RABEP2: variants seen among roughly 807,000 people sequenced by gnomAD.
RABEP2 encodes rabaptin, RAB GTPase binding effector protein 2.
In RABEP2, 57 loss-of-function variants were observed where a neutral mutation model predicts 74.1. That is an observed-to-expected ratio of 0.77 (90% CI 0.62 to 0.96). The LOEUF is 0.96. Ranked by LOEUF, RABEP2 falls within the 40% of genes least tolerant of loss-of-function variation. The probability of loss-of-function intolerance (pLI) is 0.00; values close to 1 mark genes in which losing one functional copy is unlikely to be tolerated. For synonymous variants in RABEP2, 351 were observed against 344.0 expected, an observed-to-expected ratio of 1.02 and a Z score of -0.23; for missense variants, 692 against 756.3, an observed-to-expected ratio of 0.91 and a Z score of 1.00.
chr16:28,909,320 A>G (rs1297477092), intron 7 of RABEP2, among the ~76,000 whole-genome samples: 1 of 152,032 alleles, frequency 6.6e-6, no homozygotes, highest in Non-Finnish European at 1.5e-5. Flanking sequence ...CAGATGATCC[A>G]CCTGTCTTGG....
Position 28,925,201 on chromosome 16 carries a change from T to C in RABEP2, c.-38A>G. 4 of 1,515,876 alleles carry C rather than the reference T, an allele frequency of 2.6e-6. No homozygotes were observed. Among genetic ancestry groups the C allele is most frequent in the South Asian group, 1.2e-5 (1 of 82,068 alleles). The allele number at this position is 1,515,876 out of a possible 1,614,324, so 93.9% of individuals were successfully genotyped here. Reference sequence around the variant, plus strand: ...AACGGCGGATTCCCGCACTCCCTGGTGACGGAGCGCACCGCTTCCGGGTCC... The same window carrying C: ...AACGGCGGATTCCCGCACTCCCTGGCGACGGAGCGCACCGCTTCCGGGTCC... On this transcript the variant is annotated 5_prime_UTR_variant, in exon 1 of 13. Transcript: ENST00000358201.
Position 28,905,382 on chromosome 16 carries a change from T to A in RABEP2, c.1608+15A>T. The A allele has an allele frequency of 1.3e-6, 2 of 1,590,906 alleles. No homozygotes were observed. The highest frequency in any genetic ancestry group is 1.7e-6 in the Non-Finnish European group (2 of 1,164,746). ...GTGGAGCCAGCCAGCCTGGCGGGGC[T>A]GGGACAGGCCATACCTGCAGGGCCT... On this transcript the variant is annotated intron_variant, in intron 12 of 12. Coordinates refer to ENST00000358201, the MANE Select transcript of RABEP2 (RefSeq NM_024816.3).
At chr16:28,906,251 G>T in intron 8 of RABEP2, 55 bp from the exon 9 acceptor site, 1 of 1,490,340 alleles carries the variant, frequency 6.7e-7, no homozygotes, top group South Asian at 1.3e-5. Flanking sequence ...CAGGAGGGCA[G>T]GGGCCACCAG....
chr16:28,908,912 G>T, intron 7 of RABEP2, 148 bp from the exon 8 acceptor site: 1 of 792,628 alleles, frequency 1.3e-6, no homozygotes, highest in Non-Finnish European at 1.9e-6. Context: ...AGCACTTTTT[G>T]CTACCAAGCT....
intron 2 of RABEP2, chr16:28,921,123 C>G: frequency 2.2e-6 from 1 of 453,780 alleles, no homozygotes; most frequent in Non-Finnish European, 4.4e-6. Context: ...CTCAGCCTCC[C>G]AAAGTGCTGG....
At chr16:28,913,532 A>G (rs2152220688) in intron 5 of RABEP2, among the ~76,000 whole-genome samples, 1 of 152,052 alleles carries the variant, frequency 6.6e-6, no homozygotes, top group East Asian at 1.9e-4. Context: ...CCCAGGATGG[A>G]GTGCAGTGGT....
chr16:28,914,966 T>C (rs1964369359), intron 3 of RABEP2, among the ~76,000 whole-genome samples, 184 bp from the exon 4 acceptor site: 1 of 151,292 alleles, frequency 6.6e-6, no homozygotes, highest in Non-Finnish European at 1.5e-5. Context: ...CCCCAGGACA[T>C]AAGGGCAAGG....
intron 5 of RABEP2, among the ~76,000 whole-genome samples, chr16:28,913,234 C>T (rs1964338442): frequency 6.7e-6 from 1 of 149,978 alleles, no homozygotes; most frequent in Admixed American, 6.6e-5. Flanking sequence ...CCGGCCTGCC[C>T]CGGTCTTTAA....
In RABEP2 at chr16:28,905,443, C is replaced by G; in HGVS notation, c.1562G>C (p.Ser521Thr). Residue 521 changes from serine to threonine, a missense_variant, in exon 12 of 13, where the codon AGT (serine) becomes ACT (threonine). By Grantham distance (58) the Ser-to-Thr change is moderately conservative. Coordinates refer to ENST00000358201, the MANE Select transcript of RABEP2 (RefSeq NM_024816.3). ...VLRLQAELET[S>T]EQVQRDFVRL... ...CACGAAATCCCTCTGCACCTGCTCA[C>G]TGGTCTCCAGCTCTGCCTGCAGCCG... 2 of 1,608,070 alleles carry G rather than the reference C, an allele frequency of 1.2e-6. No individual in the cohort carries two copies. The highest frequency in any genetic ancestry group is 1.7e-6 in the Non-Finnish European group (2 of 1,178,148).
chr16:28,924,712 G>C (rs1964510870), intron 1 of RABEP2, 97 bp from the exon 2 acceptor site: 1 of 1,158,824 alleles, frequency 8.6e-7, no homozygotes, highest in Non-Finnish European at 1.3e-6. Flanking sequence ...GCCTTCATCT[G>C]GGGCCTCCTT....
chr16:28,905,923 C>T, intron 9 of RABEP2, 45 bp from the exon 10 acceptor site: 3 of 1,613,212 alleles, frequency 1.9e-6, no homozygotes, highest in Non-Finnish European at 2.5e-6. Context: ...CCTCTCTCCC[C>T]TCCCCGCTGC....
rs1964447739 is a variant in RABEP2 at position 28,919,951 on chromosome 16, G to A, written c.275-8C>T. ...CATAGCTGCTGATGGAGTCTGGTGG[G>A]GGAGAGGGAGGGTGGGAGAGAGGGA... On this transcript the variant is annotated splice_region_variant and splice_polypyrimidine_tract_variant and intron_variant, in intron 2 of 12. Transcript: ENST00000358201. 6.3e-7 allele frequency: 1 copy of A among 1,577,950 alleles called. No individual in the cohort carries two copies. Among genetic ancestry groups the A allele is most frequent in the Non-Finnish European group, 8.7e-7 (1 of 1,155,570 alleles).
intron 7 of RABEP2, among the ~76,000 whole-genome samples, chr16:28,909,373 G>A (rs143344496): frequency 7.0e-4 from 106 of 152,096 alleles, no homozygotes; most frequent in Admixed American, 5.3e-3. Context: ...CACCGTGCCC[G>A]GCCCATATAT....
At chr16:28,911,672 A>C (rs1465449173) in intron 5 of RABEP2, among the ~76,000 whole-genome samples, 3 of 150,760 alleles carry the variant, frequency 2.0e-5, no homozygotes, top group Admixed American at 1.3e-4. Flanking sequence ...AAAAAAAAAA[A>C]CAGGGCCAGG....
intron 1 of RABEP2, 161 bp downstream of exon 1, chr16:28,924,942 C>A: frequency 2.1e-6 from 2 of 937,468 alleles, no homozygotes; most frequent in Non-Finnish European, 3.3e-6. Context: ...GGCCGGGCCA[C>A]GCCCCCTTTT....
intron 1 of RABEP2, chr16:28,924,869 G>C (rs1250712912): frequency 2.7e-6 from 2 of 736,796 alleles, no homozygotes; most frequent in Non-Finnish European, 4.8e-6. Context: ...CGCCCTCCTA[G>C]TGGCCGCGCC....
At chr16:28,921,170 C>T (rs572015328) in intron 2 of RABEP2, 74 of 455,694 alleles carry the variant, frequency 1.6e-4, no homozygotes, top group South Asian at 6.5e-4. Context: ...GGCCCTTAAT[C>T]GTAGTAATAA....
chr16:28,906,709 G>A (rs1422769209), intron 8 of RABEP2, among the ~76,000 whole-genome samples: 1 of 152,142 alleles, frequency 6.6e-6, no homozygotes, highest in Non-Finnish European at 1.5e-5. Context: ...AGGTTGCAGT[G>A]AGCCGAGATC....
At position 28,906,202 on chromosome 16, in the gene RABEP2, A is replaced by G; in HGVS notation, c.1246-6T>C. ...CACAGCAGCTGCTGCAGCTCCTGGA[A>G]GGGACGGAGGAGTCACCTGCTGGGC... is the stretch of plus-strand genomic sequence containing the variant. On this transcript the variant is annotated splice_region_variant and splice_polypyrimidine_tract_variant and intron_variant, in intron 8 of 12. Transcript: ENST00000358201. 1 of 1,573,278 alleles carries G rather than the reference A, an allele frequency of 6.4e-7. No individual in the cohort carries two copies. The highest frequency in any genetic ancestry group is 2.3e-5 in the East Asian group (1 of 44,062).
Sources: allele counts gnomAD v4.1 joint callset (sites outside exome capture counted in the v4.1 genomes callset), GRCh38; gene constraint gnomAD v4.1.1; transcripts MANE v1.5; gene names NCBI Gene and HGNC (gene_info 2026-07-23, HGNC 2026-07-21).